The following KCNJ16 variants were observed in gnomAD, a reference collection of about 807,000 sequenced individuals.
KCNJ16 encodes inward rectifier potassium channel 16.
A neutral mutation model predicts 18.5 loss-of-function variants in KCNJ16; 15 were observed. The observed-to-expected ratio is 0.81, with a 90% CI of 0.54 to 1.25. KCNJ16 has a LOEUF of 1.25. Among genes scored for constraint, KCNJ16 ranks in the 50% most tolerant of loss-of-function variants. KCNJ16 has a pLI of 0.00. For synonymous variants in KCNJ16, 174 were observed against 186.5 expected, an observed-to-expected ratio of 0.93 and a Z score of 0.55; for missense variants, 523 against 525.7, an observed-to-expected ratio of 0.99 and a Z score of 0.05.
At chr17:70,080,633 T>C (rs1219023520) in intron 1 of KCNJ16, among the ~76,000 whole-genome samples, 1 of 152,104 alleles carries the variant, frequency 6.6e-6, no homozygotes, top group Admixed American at 6.6e-5. Flanking sequence ...AGGATGAATT[T>C]TGTGAGGGAA....
At chr17:70,099,407 G>C (rs988876271) in intron 1 of KCNJ16, among the ~76,000 whole-genome samples, 4 of 152,128 alleles carry the variant, frequency 2.6e-5, no homozygotes, top group African/African-American at 9.7e-5. Context: ...CATGAGGACA[G>C]GAAGATCTTG....
chr17:70,107,126 C>T (rs1445065320), intron 2 of KCNJ16, among the ~76,000 whole-genome samples: 1 of 152,138 alleles, frequency 6.6e-6, no homozygotes, highest in Non-Finnish European at 1.5e-5. Flanking sequence ...TGGTTAAATT[C>T]TTATAATTGT....
chr17:70,130,497 C>T (rs902295943), intron 2 of KCNJ16, among the ~76,000 whole-genome samples: 1 of 152,120 alleles, frequency 6.6e-6, no homozygotes, highest in African/African-American at 2.4e-5. Flanking sequence ...GAGTTTGTGG[C>T]TTTAAGTGGA....
At chr17:70,121,386 A>C (rs753702034) in intron 2 of KCNJ16, among the ~76,000 whole-genome samples, 1 of 152,192 alleles carries the variant, frequency 6.6e-6, no homozygotes, top group Non-Finnish European at 1.5e-5. Context: ...ATTTACAGAA[A>C]CAACTCAATA....
At chr17:70,088,336 C>T (rs1417476124) in intron 1 of KCNJ16, among the ~76,000 whole-genome samples, 2 of 152,188 alleles carry the variant, frequency 1.3e-5, no homozygotes, top group African/African-American at 4.8e-5. Flanking sequence ...CAATAGGATT[C>T]GTGCTTCTAT....
chr17:70,111,797 G>A (rs2073196354), intron 2 of KCNJ16, among the ~76,000 whole-genome samples: 2 of 151,912 alleles, frequency 1.3e-5, no homozygotes, highest in Admixed American at 1.3e-4. Context: ...CTTTTGCTTG[G>A]CTCTCATTCT....
intron 1 of KCNJ16, among the ~76,000 whole-genome samples, chr17:70,085,180 T>A (rs1373690507): frequency 3.3e-5 from 5 of 152,236 alleles, no homozygotes; most frequent in Admixed American, 3.3e-4. Flanking sequence ...GTGGACCATA[T>A]ACCACTACAT....
intron 2 of KCNJ16, among the ~76,000 whole-genome samples, chr17:70,121,781 AC>A (rs1270174525): frequency 5.3e-5 from 8 of 151,888 alleles, no homozygotes; most frequent in African/African-American, 1.9e-4. Context: ...TGCTGCTTAG[AC>A]ATTTCTCTAC....
chr17:70,100,196 T>C (rs564191817), intron 1 of KCNJ16, among the ~76,000 whole-genome samples: 2 of 152,298 alleles, frequency 1.3e-5, no homozygotes, highest in South Asian at 4.1e-4. Flanking sequence ...AACTTAAAAT[T>C]TTCAGTTGGA....
At chr17:70,077,695 G>GT (rs2071375029) in intron 1 of KCNJ16, among the ~76,000 whole-genome samples, 2 of 149,348 alleles carry the variant, frequency 1.3e-5, no homozygotes, top group Middle Eastern at 3.4e-3. Context: ...TTGTTTGTTT[G>GT]TTTTTTCTTG....
chr17:70,131,311 C>T (rs944125553), intron 3 of KCNJ16: 3 of 1,154,162 alleles, frequency 2.6e-6, no homozygotes, highest in South Asian at 3.1e-5. Context: ...TTTAGGTCCA[C>T]TGAGGTTAAG....
In KCNJ16 at chr17:70,100,382, G is replaced by C. The variant is rs570501762; in HGVS notation, c.-299-276G>C. Among the ~76,000 whole-genome samples, 7 of 152,226 alleles carry C rather than the reference G, an allele frequency of 4.6e-5. No individual in the cohort carries two copies. In the East Asian group the frequency reaches 9.7e-4, roughly 21 times the overall value. ...TCTCCAAGATCAACGCCTTTCATTT[G>C]TGGATCTTCCATCTTACCTGATACT... On this transcript the variant is annotated intron_variant, in intron 1 of 3. Coordinates refer to ENST00000392671, the MANE Select transcript of KCNJ16 (RefSeq NM_170741.4).
chr17:70,082,819 T>A (rs73998750), intron 1 of KCNJ16, among the ~76,000 whole-genome samples: 16,886 of 152,138 alleles, frequency 0.11, 1,058 homozygotes, highest in African/African-American at 0.18. Context: ...ATAAGTAAGG[T>A]AGACTAAAAA....
At chr17:70,111,400 C>T (rs933820207) in intron 2 of KCNJ16, among the ~76,000 whole-genome samples, 1 of 152,108 alleles carries the variant, frequency 6.6e-6, no homozygotes, top group African/African-American at 2.4e-5. Context: ...AAGTGGGGAG[C>T]ACACAGAAAA....
Position 70,115,211 on chromosome 17 carries a change from G to C in KCNJ16, c.-191+14445G>C, listed in dbSNP as rs1437262069. 2.0e-5 allele frequency among the ~76,000 whole-genome samples: 3 copies of C among 152,106 alleles called. 1 individual carries two copies. Among genetic ancestry groups the C allele is most frequent in the African/African-American group, 7.2e-5 (3 of 41,434 alleles). On this transcript the variant is annotated intron_variant, in intron 2 of 3. Transcript: ENST00000392671. ...TGGGGTGAAACTCAAGAATCTACAA[G>C]TGCAAGATGTTCTCTTAGAATCTGA...
intron 2 of KCNJ16, among the ~76,000 whole-genome samples, chr17:70,127,855 A>G (rs2073908228): frequency 6.6e-6 from 1 of 152,230 alleles, no homozygotes; most frequent in African/African-American, 2.4e-5. Context: ...CATTACCTCA[A>G]ACACCACAGA....
intron 3 of KCNJ16, chr17:70,131,218 G>C: frequency 4.8e-6 from 3 of 626,522 alleles, no homozygotes; most frequent in East Asian, 3.5e-5. Flanking sequence ...AAGAAAGAAA[G>C]AAAAGAAAAA....
In KCNJ16 at chr17:70,130,940, AT is replaced by A; in HGVS notation, c.-128del. On this transcript the variant is annotated 5_prime_UTR_variant, in exon 3 of 4. Coordinates refer to ENST00000392671, the MANE Select transcript of KCNJ16 (RefSeq NM_170741.4). ...ATTTCACTTTGACTTGAGCTGGGAA[AT>A]CCTTTGGCCTATTATACCATGGATG... 6.5e-7 allele frequency: 1 copy of A among 1,534,148 alleles called. No homozygotes were observed. Among genetic ancestry groups the A allele is most frequent in the Non-Finnish European group, 8.7e-7 (1 of 1,145,220 alleles).
intron 2 of KCNJ16, among the ~76,000 whole-genome samples, chr17:70,130,425 A>T (rs1445362571): frequency 6.6e-6 from 1 of 152,216 alleles, no homozygotes; most frequent in Non-Finnish European, 1.5e-5. Flanking sequence ...ACTGATCTGG[A>T]TGATGGGTGA....
Sources: allele counts gnomAD v4.1 joint callset (sites outside exome capture counted in the v4.1 genomes callset), GRCh38; gene constraint gnomAD v4.1.1; transcripts MANE v1.5; gene names NCBI Gene and HGNC (gene_info 2026-07-23, HGNC 2026-07-21).